MARS1: variants seen among roughly 807,000 people sequenced by gnomAD.
MARS1 encodes the protein methionyl-tRNA synthetase 1, also known as methionine--tRNA ligase, cytoplasmic.
Under a neutral mutation model 119.5 loss-of-function variants are expected in MARS1, and 80 were observed. The observed-to-expected ratio is 0.67, with a 90% CI of 0.56 to 0.81. The LOEUF (loss-of-function observed/expected upper bound fraction) is 0.81, where lower values mean the gene tolerates loss of function less well. MARS1 is among the 30% of genes least tolerant of loss of function. The pLI, the probability that MARS1 is intolerant of heterozygous loss-of-function variation, is 0.00. For missense variants in MARS1, 945 were observed against 1,116.5 expected, an observed-to-expected ratio of 0.85 and a Z score of 2.19; for synonymous variants, 418 against 433.4, an observed-to-expected ratio of 0.96 and a Z score of 0.44.
In MARS1 at chr12:57,516,294, A is replaced by G. The variant is rs2140039357; in HGVS notation, c.2513A>G (p.Lys838Arg). The change falls in exon 20 of 21, where the codon AAG (lysine) becomes AGG (arginine). Residue 838 changes from lysine (K) to arginine (R), a missense_variant. Coordinates refer to ENST00000262027, the MANE Select transcript of MARS1 (RefSeq NM_004990.4). ...PAVVETVTTA[K>R]PQQIQALMDE... ...GTTGTAGAGACTGTTACAACAGCCA[A>G]GCCACAGCAGATACAAGCGCTGATG... is the stretch of plus-strand genomic sequence containing the variant. 5 of 1,614,262 alleles carry G rather than the reference A, an allele frequency of 3.1e-6. No homozygotes were observed. Among genetic ancestry groups the G allele is most frequent in the Non-Finnish European group, 4.2e-6 (5 of 1,180,048 alleles).
chr12:57,502,232 G>A (rs535360362), intron 10 of MARS1, among the ~76,000 whole-genome samples: 11 of 152,258 alleles, frequency 7.2e-5, no homozygotes, highest in East Asian at 3.9e-4. Flanking sequence ...ATCTGTGAAC[G>A]TGAGTGAGGA....
At chr12:57,493,772 A>ACAT (rs1876340919) in intron 7 of MARS1, among the ~76,000 whole-genome samples, 2 of 3,250 alleles carry the variant, frequency 6.2e-4, no homozygotes, top group African/African-American at 1.6e-3. Flanking sequence ...TATATTATAT[A>ACAT]TAATATATAT....
intron 9 of MARS1, 47 bp from the exon 10 acceptor site, chr12:57,500,274 C>G (rs1194619854): frequency 6.5e-7 from 1 of 1,541,678 alleles, no homozygotes; most frequent in Non-Finnish European, 9.0e-7. Context: ...AAGGGGTCCA[C>G]CACGTCTTCT....
chr12:57,501,540 C>T (rs1477595492), intron 10 of MARS1, among the ~76,000 whole-genome samples: 1 of 151,998 alleles, frequency 6.6e-6, no homozygotes, highest in Non-Finnish European at 1.5e-5. Context: ...ACAGAAATGG[C>T]TAGGTGCGGT....
Position 57,489,961 on chromosome 12 carries a change from C to A in MARS1, c.480C>A (p.Ala160=). ...TATACCCATTACTGCAAGATCCCGC[C>A]TACCTCCCTGGTGAGAACTGTGCAT... ...GALYPLLQDP[A]YLPEELSALH... Residue 160 remains alanine, a synonymous_variant, in exon 5 of 21, where the codon GCC becomes GCA. Transcript: ENST00000262027. 6.2e-7 allele frequency: 1 copy of A among 1,614,052 alleles called. No individual in the cohort carries two copies.
At chr12:57,500,567 ATTCT>A in intron 10 of MARS1, 45 bp downstream of exon 10, 1 of 1,567,914 alleles carries the variant, frequency 6.4e-7, no homozygotes, top group Non-Finnish European at 8.7e-7. Flanking sequence ...GACAGTCCTT[ATTCT>A]TAAGGGACGC....
At chr12:57,504,051 G>A (rs771318476) in intron 10 of MARS1, 174 bp from the exon 11 acceptor site, 3 of 600,716 alleles carry the variant, frequency 5.0e-6, no homozygotes, top group Non-Finnish European at 8.9e-6. Context: ...GTTATACTGA[G>A]AAGATTTGAG....
At chr12:57,490,724 T>C (rs1003521769) in intron 7 of MARS1, 80 bp downstream of exon 7, 10 of 1,091,608 alleles carry the variant, frequency 9.2e-6, no homozygotes, top group Non-Finnish European at 1.4e-5. Context: ...GCCTGCTAGG[T>C]CCCGTTTGCT....
intron 10 of MARS1, among the ~76,000 whole-genome samples, chr12:57,501,577 T>C (rs1876917803): frequency 6.6e-6 from 1 of 152,084 alleles, no homozygotes; most frequent in Non-Finnish European, 1.5e-5. Flanking sequence ...CCCAGCACTT[T>C]GGGAGGCTGA....
chr12:57,505,805 C>T (rs774381176), intron 11 of MARS1, among the ~76,000 whole-genome samples: 1 of 151,690 alleles, frequency 6.6e-6, no homozygotes, highest in African/African-American at 2.4e-5. Context: ...GAGTGAGACT[C>T]TATCTCTAAA....
chr12:57,488,114 C>A lies in MARS1; in HGVS notation c.24C>A (p.Gly8=). The change falls in exon 1 of 21, where the codon GGC becomes GGA. Residue 8 remains glycine, a synonymous_variant. Transcript: ENST00000262027. ...AAATGAGACTGTTCGTGAGTGATGG[C>A]GTCCCGGGTTGCTTGCCGGTGCTGG... MRLFVSD[G]VPGCLPVLAA... The A allele has an allele frequency of 6.2e-7, 1 of 1,614,160 alleles. No individual in the cohort carries two copies. The highest frequency in any genetic ancestry group is 8.5e-7 in the Non-Finnish European group (1 of 1,180,012).
At chr12:57,503,293 G>T (rs186422762) in intron 10 of MARS1, among the ~76,000 whole-genome samples, 1 of 150,932 alleles carries the variant, frequency 6.6e-6, no homozygotes, top group Non-Finnish European at 1.5e-5. Context: ...GAGTGCAATG[G>T]CGCGATCTCA....
chr12:57,503,368 G>A (rs1877022796), intron 10 of MARS1, among the ~76,000 whole-genome samples: 1 of 151,624 alleles, frequency 6.6e-6, no homozygotes, highest in African/African-American at 2.4e-5. Context: ...TGAGTAACTG[G>A]GATTACAGGC....
Position 57,512,850 on chromosome 12 carries a change from G to A in MARS1, c.1853G>A (p.Arg618His), listed in dbSNP as rs764548386. 1.2e-6 allele frequency: 2 copies of A among 1,614,228 alleles called. No individual in the cohort carries two copies. The highest frequency in any genetic ancestry group is 1.7e-5 in the Admixed American group (1 of 60,026). Reference protein sequence around the residue: ...QDTGIPADIWRFYLLYIRPEG... With the variant: ...QDTGIPADIWHFYLLYIRPEG... ...ACGGGGATCCCTGCTGACATCTGGC[G>A]CTTCTATCTGCTGTACATTCGGCCT... Residue 618 changes from arginine (R) to histidine (H), a missense_variant, in exon 15 of 21, where the codon CGC becomes CAC. Transcript: ENST00000262027.
At chr12:57,492,471 A>G (rs190354930) in intron 7 of MARS1, among the ~76,000 whole-genome samples, 2,885 of 152,038 alleles carry the variant, frequency 0.019, 52 homozygotes, top group Non-Finnish European at 0.025. Flanking sequence ...GCAGTTCGAG[A>G]CCAGCCTGGC....
chr12:57,493,847 AATAT>A lies in MARS1; in HGVS notation c.770+3210_770+3213del, dbSNP rs1357594798. The stretch of plus-strand genomic sequence containing the variant: ...TATTATATTATATATTATAATATAT[AATAT>A]ATATATTTATATTATATAATATATA... On this transcript the variant is annotated intron_variant, in intron 7 of 20. Coordinates refer to ENST00000262027, the MANE Select transcript of MARS1 (RefSeq NM_004990.4). Among the ~76,000 whole-genome samples, 4 of 4,968 alleles carry A rather than the reference AATAT, an allele frequency of 8.1e-4. No homozygotes were observed. The East Asian group carries it at 0.15, about 186-fold the overall frequency. 3.3% of individuals were successfully genotyped at this position (4,968 alleles called of 152,430 possible).
rs1275719975 is a variant in MARS1, at chr12:57,489,284, C to G, written c.218C>G (p.Ser73Cys). The G allele has an allele frequency of 6.2e-7, 1 of 1,613,502 alleles. No individual in the cohort carries two copies. Among genetic ancestry groups the G allele is most frequent in the East Asian group, 2.2e-5 (1 of 44,878 alleles). Residue 73 changes from serine to cysteine, a missense_variant, in exon 3 of 21, where the codon TCT becomes TGT. By Grantham distance (112) the Ser-to-Cys change is moderately radical. Transcript: ENST00000262027. ...CTGGGCAGATATTTTTTTTTGTTAT[C>G]TGGCTGGGAGCAAGATGACCTCACT... Reference protein sequence around the residue: ...SAICRYFFLLSGWEQDDLTNQ... With the variant: ...SAICRYFFLLCGWEQDDLTNQ...
intron 7 of MARS1, among the ~76,000 whole-genome samples, chr12:57,497,828 A>G (rs1246518710): frequency 1.3e-5 from 2 of 152,138 alleles, no homozygotes; most frequent in Non-Finnish European, 2.9e-5. Context: ...ATGATTGGAC[A>G]GAGCCTAGGG....
chr12:57,494,867 C>A (rs1419242249), intron 7 of MARS1, among the ~76,000 whole-genome samples: 2 of 152,144 alleles, frequency 1.3e-5, no homozygotes, highest in Non-Finnish European at 2.9e-5. Context: ...AAGAATTTTT[C>A]TTAGTACAGA....
Sources: gnomAD v4.1 joint callset for allele counts (sites outside exome capture counted in the v4.1 genomes callset) on GRCh38, gnomAD v4.1.1 for gene constraint, MANE v1.5 for transcripts, NCBI Gene and HGNC (gene_info 2026-07-23, HGNC 2026-07-21) for gene names.